Variants in SPATA13 observed in about 807,000 individuals in gnomAD.
SPATA13 encodes the protein spermatogenesis associated 13.
Under a neutral mutation model 104.0 loss-of-function variants are expected in SPATA13, and 50 were observed. The ratio of observed to expected loss-of-function variants is 0.48; its 90% confidence interval spans 0.38 to 0.61. The LOEUF (loss-of-function observed/expected upper bound fraction) is 0.61, where lower values mean the gene tolerates loss of function less well. SPATA13 is among the 20% of genes least tolerant of loss of function. The pLI, the probability that SPATA13 is intolerant of heterozygous loss-of-function variation, is 0.00. For synonymous variants in SPATA13, 606 were observed against 667.5 expected (o/e 0.91, Z 1.42); for missense variants, 1,524 against 1,690.6 (o/e 0.90, Z 1.73).
At chr13:24,061,914 G>A (rs1462592758) in intron 3 of SPATA13, among the ~76,000 whole-genome samples, 1 of 151,790 alleles carries the variant, frequency 6.6e-6, no homozygotes, top group Non-Finnish European at 1.5e-5. Context: ...AAAAACTGAG[G>A]CTCAGAGAAG....
chr13:24,067,727 T>A (rs9553156), intron 3 of SPATA13, among the ~76,000 whole-genome samples: 67,460 of 152,068 alleles, frequency 0.44, 15,181 homozygotes, highest in Middle Eastern at 0.52. Context: ...GTTTTTGAGA[T>A]GGAGTCTCAC....
intron 1 of SPATA13, among the ~76,000 whole-genome samples, chr13:24,171,149 C>T (rs992817350): frequency 1.9e-4 from 29 of 152,084 alleles, no homozygotes; most frequent in Admixed American, 5.2e-4. Context: ...ACGAGTGAGA[C>T]GTTCAACAGC....
At chr13:24,245,635 A>G (rs1258162811) in intron 2 of SPATA13, among the ~76,000 whole-genome samples, 3 of 116,962 alleles carry the variant, frequency 2.6e-5, no homozygotes, top group African/African-American at 3.3e-5. Flanking sequence ...TTTGTTGCCC[A>G]GGCTGGATTG....
At position 24,041,943 on chromosome 13, in the gene SPATA13, G is replaced by A. The variant is rs187626179; in HGVS notation, c.-112+24242G>A. Among the ~76,000 whole-genome samples, 45 of 152,328 alleles carry A rather than the reference G, an allele frequency of 3.0e-4. No homozygotes were observed. In the East Asian group the frequency reaches 6.0e-3, roughly 20 times the overall value. ...GGAATGTATCTGACACACAGTCCTC[G>A]CCTTTTCCTCATGCTGTTCGAAAAA... On this transcript the variant is annotated intron_variant, in intron 3 of 14. Coordinates refer to the SPATA13 transcript ENST00000424834.
At chr13:24,054,096 C>A (rs1878458200) in intron 3 of SPATA13, among the ~76,000 whole-genome samples, 1 of 152,076 alleles carries the variant, frequency 6.6e-6, no homozygotes, top group East Asian at 1.9e-4. Flanking sequence ...ATGGAGAGGG[C>A]AGCATGGAGG....
At position 24,093,613 on chromosome 13, in the gene SPATA13, A is replaced by G. The variant is rs71429873; in HGVS notation, c.-112+75912A>G. 1.0e-2 allele frequency among the ~76,000 whole-genome samples: 1,522 copies of G among 152,298 alleles called. 11 individuals carry two copies. The highest frequency in any genetic ancestry group is 0.017 in the Non-Finnish European group (1,150 of 68,020). On this transcript the variant is annotated intron_variant, in intron 3 of 14. Transcript: ENST00000424834. Reference sequence around the variant, plus strand: ...TGTTTCTTCTGTGCTAAATGGACCAATTGTGGGGAGAGGCAAAGTCACATA... The same window carrying G: ...TGTTTCTTCTGTGCTAAATGGACCAGTTGTGGGGAGAGGCAAAGTCACATA...
At chr13:24,137,390 G>A (rs1195300174) in intron 3 of SPATA13, among the ~76,000 whole-genome samples, 1 of 152,200 alleles carries the variant, frequency 6.6e-6, no homozygotes, top group African/African-American at 2.4e-5. Context: ...GGATTTTTAA[G>A]ATGTCAAAAC....
intron 2 of SPATA13, among the ~76,000 whole-genome samples, chr13:23,987,915 A>G (rs73461334): frequency 0.024 from 3,563 of 150,890 alleles, 130 homozygotes; most frequent in African/African-American, 0.082. Context: ...AGGCCCAGGT[A>G]TGTTGTGGCA....
Position 24,249,756 on chromosome 13 carries a change from C to T in SPATA13, c.1933C>T (p.Arg645Trp), listed in dbSNP as rs7330736. 0.042 allele frequency: 67,244 copies of T among 1,614,048 alleles called. 1,585 individuals carry two copies. Among genetic ancestry groups the T allele is most frequent in the Non-Finnish European group, 0.048 (56,266 of 1,180,010 alleles). The change falls in exon 3 of 13, where the codon CGG becomes TGG. Residue 645 changes from arginine to tryptophan, a missense_variant. Physicochemically the swap from Arg to Trp is moderately radical, Grantham distance 101 (BLOSUM62 -3). This residue lies in a region of SPATA13 where 1,089 missense variants were observed against 1,135.9 expected (regional missense o/e 0.96). Transcript: ENST00000382108. ...TCCAGTGGGCTGCCCCAAAGGAGCC[C>T]GGAGAAGGCGCCCCATTTCCGTGAT... Reference protein sequence around the residue: ...NAPVGCPKGARRRRPISVIGG... With the variant: ...NAPVGCPKGAWRRRPISVIGG...
Position 24,278,925 on chromosome 13 carries a change from CCTCT to C in SPATA13, c.2165-5209_2165-5206del, listed in dbSNP as rs879509933. ...CCTTCCTTCCTTCCTTCCTTCCTTC[CCTCT>C]TTCCTTCCTTCCTTCCTTCCCTCCT... On this transcript the variant is annotated intron_variant, in intron 4 of 12. Coordinates refer to ENST00000382108, the MANE Select transcript of SPATA13 (RefSeq NM_001166271.3). The C allele has an allele frequency of 8.2e-3, 8,816 of 1,080,302 alleles. 26 individuals are homozygous for C. The highest frequency in any genetic ancestry group is 0.023 in the East Asian group (733 of 31,568). 66.9% of individuals were successfully genotyped at this position (1,080,302 alleles called of 1,614,324 possible).
intron 3 of SPATA13, among the ~76,000 whole-genome samples, chr13:24,048,901 A>G (rs914791796): frequency 2.6e-5 from 4 of 152,202 alleles, no homozygotes; most frequent in African/African-American, 9.6e-5. Context: ...ATTATAGAAG[A>G]AAATTAAAAC....
Position 24,249,960 on chromosome 13 carries a change from T to C in SPATA13, c.2019+118T>C, listed in dbSNP as rs78519278. On this transcript the variant is annotated intron_variant, in intron 3 of 12. Transcript: ENST00000382108. Reference sequence around the variant, plus strand: ...TCTCCCGTTCTCAAGGGCGGCACCATGTACTTAACCACCTTTTCTTCCTGA... The same window carrying C: ...TCTCCCGTTCTCAAGGGCGGCACCACGTACTTAACCACCTTTTCTTCCTGA... The C allele has an allele frequency of 2.5e-3, 3,412 of 1,343,750 alleles. 73 individuals are homozygous for C. In the African/African-American group the frequency reaches 0.043, roughly 17 times the overall value. 83.2% of individuals were successfully genotyped at this position (1,343,750 alleles called of 1,614,324 possible). A position where few individuals can be genotyped will look rare whatever the true frequency, so the allele number is the denominator to read the frequency against.
rs114321066 is a variant in SPATA13 at position 24,224,698 on chromosome 13, T to C, written c.1653+116T>C. ...GGTCAGTGGCCCTCTGCTGACCTTG[T>C]TGCCCTTACAGTATTAGTGGGAATG... On this transcript the variant is annotated intron_variant, in intron 2 of 12. Transcript: ENST00000382108. 115 of 1,100,244 alleles carry C rather than the reference T, an allele frequency of 1.0e-4. 1 individual carries two copies. The African/African-American group carries it at 1.3e-3, about 12-fold the overall frequency. 68.2% of individuals were successfully genotyped at this position (1,100,244 alleles called of 1,614,324 possible). A position where few individuals can be genotyped will look rare whatever the true frequency, so the allele number is the denominator to read the frequency against.
chr13:24,177,867 A>T (rs1566134793), intron 1 of SPATA13, among the ~76,000 whole-genome samples: 5 of 151,086 alleles, frequency 3.3e-5, no homozygotes, highest in African/African-American at 9.7e-5. Context: ...CAACATATGA[A>T]TTTTTTTTTA....
chr13:24,142,480 G>C (rs1881792535), intron 3 of SPATA13, among the ~76,000 whole-genome samples: 1 of 152,124 alleles, frequency 6.6e-6, no homozygotes, highest in African/African-American at 2.4e-5. Flanking sequence ...TGGATTGTCT[G>C]ATGTTTTCTC....
intron 2 of SPATA13, among the ~76,000 whole-genome samples, chr13:24,004,868 C>A (rs1019727967): frequency 2.6e-5 from 4 of 152,276 alleles, no homozygotes; most frequent in African/African-American, 7.2e-5. Context: ...CAAACCCTTC[C>A]CATTATCAAA....
chr13:24,220,764 G>C (rs1871535865), intron 1 of SPATA13, among the ~76,000 whole-genome samples: 1 of 152,166 alleles, frequency 6.6e-6, no homozygotes, highest in South Asian at 2.1e-4. Flanking sequence ...CCTTGTCCCG[G>C]GTGGAATCAA....
intron 1 of SPATA13, among the ~76,000 whole-genome samples, chr13:24,169,974 C>T (rs1258766073): frequency 6.6e-6 from 1 of 152,190 alleles, no homozygotes. Flanking sequence ...TTTTTCTCAT[C>T]CTTATTTTAA....
intron 3 of SPATA13, among the ~76,000 whole-genome samples, chr13:24,116,524 A>G (rs1472375689): frequency 6.6e-6 from 1 of 152,030 alleles, no homozygotes; most frequent in East Asian, 1.9e-4. Context: ...CCTTGCACTC[A>G]TCTCCTGCAC....
Sources: gnomAD v4.1 joint callset for allele counts (sites outside exome capture counted in the v4.1 genomes callset) on GRCh38, gnomAD v4.1.1 for gene constraint, gnomAD v4.1.1 regional missense constraint, MANE v1.5 for transcripts, NCBI Gene and HGNC (gene_info 2026-07-23, HGNC 2026-07-21) for gene names.